RNF217: variants seen among roughly 807,000 people sequenced by gnomAD.
RNF217 encodes the protein ring finger protein 217.
In RNF217, 31 loss-of-function variants were observed where a neutral mutation model predicts 57.8. The ratio of observed to expected loss-of-function variants is 0.54; its 90% CI spans 0.40 to 0.72. RNF217 has a LOEUF of 0.72. Among genes scored for constraint, RNF217 ranks in the 30% least tolerant of loss-of-function variants. The pLI is 0.00. For synonymous variants in RNF217, 313 were observed against 294.0 expected, an observed-to-expected ratio of 1.06 and a Z score of -0.66; for missense variants, 696 against 708.3, an observed-to-expected ratio of 0.98 and a Z score of 0.20.
intron 3 of RNF217, among the ~76,000 whole-genome samples, chr6:125,073,972 A>G (rs1464820435): frequency 6.6e-6 from 1 of 152,178 alleles, no homozygotes; most frequent in Non-Finnish European, 1.5e-5. Context: ...TTAAACAGCT[A>G]GTGGAGCTAG....
Position 125,091,948 on chromosome 6 carries a change from A to T in RNF217, c.*9011A>T, listed in dbSNP as rs996530974. 3 of 152,128 alleles carry T rather than the reference A, an allele frequency of 2.0e-5. No individual in the cohort carries two copies. Among genetic ancestry groups the T allele is most frequent in the African/African-American group, 7.2e-5 (3 of 41,422 alleles). The allele number at this position is 152,128 out of a possible 1,614,324, so 9.4% of individuals were successfully genotyped here. On this transcript the variant is annotated 3_prime_UTR_variant, in exon 6 of 6. Transcript: ENST00000521654. ...AAATGCTAGGTTTGTTATATTCTTT[A>T]TGTATCATAATATATAATTCAACTT...
chr6:125,074,140 A>G (rs1314579297), intron 3 of RNF217, among the ~76,000 whole-genome samples: 1 of 152,186 alleles, frequency 6.6e-6, no homozygotes, highest in African/African-American at 2.4e-5. Context: ...AAGTCCTGCC[A>G]GCCAATTGAC....
At chr6:125,043,356 T>A (rs1318909461) in intron 1 of RNF217, among the ~76,000 whole-genome samples, 2 of 151,916 alleles carry the variant, frequency 1.3e-5, no homozygotes, top group Admixed American at 6.6e-5. Context: ...AGCTCTCACT[T>A]GAATCCTCAC....
intron 1 of RNF217, among the ~76,000 whole-genome samples, chr6:124,990,024 T>G (rs981988825): frequency 2.0e-5 from 3 of 152,178 alleles, no homozygotes; most frequent in Admixed American, 2.0e-4. Flanking sequence ...CATTTTCTCT[T>G]GAACCCATTT....
chr6:125,032,516 G>A (rs772075644), intron 1 of RNF217, among the ~76,000 whole-genome samples: 2 of 151,700 alleles, frequency 1.3e-5, no homozygotes, highest in African/African-American at 4.8e-5. Context: ...AGTAAAGAAA[G>A]CTAGGTGAAT....
At chr6:125,074,939 A>T (rs889922028) in intron 3 of RNF217, among the ~76,000 whole-genome samples, 5 of 152,170 alleles carry the variant, frequency 3.3e-5, no homozygotes, top group African/African-American at 1.2e-4. Context: ...AATGAATAGA[A>T]GCCTCCACTA....
chr6:125,048,219 C>T, intron 2 of RNF217: 2 of 1,356,384 alleles, frequency 1.5e-6, no homozygotes, highest in Non-Finnish European at 9.8e-7. Context: ...AGTATGGCAC[C>T]CTGTACTGAG....
At chr6:125,065,004 A>G (rs1241086769) in intron 3 of RNF217, among the ~76,000 whole-genome samples, 1 of 152,054 alleles carries the variant, frequency 6.6e-6, no homozygotes, top group African/African-American at 2.4e-5. Flanking sequence ...TATTAAAACT[A>G]TGCAATCACG....
intron 1 of RNF217, among the ~76,000 whole-genome samples, chr6:124,999,412 C>A (rs1784884485): frequency 1.3e-5 from 2 of 152,132 alleles, no homozygotes; most frequent in African/African-American, 2.4e-5. Context: ...CTTCTCTCAT[C>A]TTTCCCACTT....
intron 1 of RNF217, among the ~76,000 whole-genome samples, chr6:125,000,866 G>A (rs1220152825): frequency 6.6e-6 from 1 of 151,972 alleles, no homozygotes; most frequent in Non-Finnish European, 1.5e-5. Flanking sequence ...TAGAATTCAA[G>A]CATAGCATGC....
intron 1 of RNF217, among the ~76,000 whole-genome samples, chr6:125,016,469 G>T (rs1324527439): frequency 6.6e-6 from 1 of 152,228 alleles, no homozygotes; most frequent in Admixed American, 6.5e-5. Flanking sequence ...CATTATTTTA[G>T]TCCATTATTT....
At chr6:124,986,396 T>C (rs924138784) in intron 1 of RNF217, among the ~76,000 whole-genome samples, 2 of 152,372 alleles carry the variant, frequency 1.3e-5, no homozygotes, top group East Asian at 3.9e-4. Flanking sequence ...CATATTCAAG[T>C]ACTGATCTTA....
intron 1 of RNF217, among the ~76,000 whole-genome samples, chr6:125,035,306 C>G (rs961013955): frequency 6.6e-6 from 1 of 152,004 alleles, no homozygotes; most frequent in Non-Finnish European, 1.5e-5. Flanking sequence ...CCAGTTTTTG[C>G]CCATTCAGTA....
chr6:125,082,947 G>C lies in RNF217; in HGVS notation c.*10G>C, dbSNP rs766788131. On this transcript the variant is annotated 3_prime_UTR_variant, in exon 6 of 6. Transcript: ENST00000521654. ...AGGTATGCACTGGTAACATGCAGAT[G>C]ATTTCATCCAGCTAAGCTGGTTGGA... 9 of 1,583,788 alleles carry C rather than the reference G, an allele frequency of 5.7e-6. No individual in the cohort carries two copies. The South Asian group carries it at 1.0e-4, about 18-fold the overall frequency.
intron 1 of RNF217, among the ~76,000 whole-genome samples, chr6:125,029,355 G>T (rs1438063424): frequency 6.6e-6 from 1 of 151,750 alleles, no homozygotes; most frequent in Non-Finnish European, 1.5e-5. Context: ...TTAGTTCCTG[G>T]GGGATATAAA....
At position 125,002,833 on chromosome 6, in the gene RNF217, T is replaced by C. The variant is rs529037267; in HGVS notation, c.882+39407T>C. Among the ~76,000 whole-genome samples, 4 of 152,278 alleles carry C rather than the reference T, an allele frequency of 2.6e-5. No individual in the cohort carries two copies. The East Asian group carries it at 7.7e-4, about 29-fold the overall frequency. ...TCTATTTGGTTCTATTATAGCTAGA[T>C]GAAGGAGAGACTCTTGCAGACTTTA... On this transcript the variant is annotated intron_variant, in intron 1 of 5. Coordinates refer to ENST00000521654, the MANE Select transcript of RNF217 (RefSeq NM_001286398.3).
rs764178144 is a variant in RNF217, at chr6:125,058,035, A to T, written c.1210A>T (p.Lys404Ter). ...VNCKEYKKGD[K>*]LLRHWASEIE... is the part of the protein sequence containing the mutation. ...CTGCAAGGAGTACAAAAAAGGAGACAAATTGTTGCGTCACTGGGCCAGCGA... is the reference window on the plus strand; with the variant it reads ...CTGCAAGGAGTACAAAAAAGGAGACTAATTGTTGCGTCACTGGGCCAGCGA... The change falls in exon 3 of 6, where the codon AAA becomes TAA. Residue 404 changes from lysine (K) to a stop codon, truncating the protein, a stop_gained. Transcript: ENST00000521654. LOFTEE classifies it high-confidence loss of function. 6.2e-7 allele frequency: 1 copy of T among 1,613,682 alleles called. No individual in the cohort carries two copies. Among genetic ancestry groups the T allele is most frequent in the South Asian group, 1.1e-5 (1 of 91,036 alleles).
chr6:125,088,587 A>C lies in RNF217; in HGVS notation c.*5650A>C, dbSNP rs1406449124. 1 of 152,182 alleles carries C rather than the reference A, an allele frequency of 6.6e-6. No homozygotes were observed. 9.4% of individuals were successfully genotyped at this position (152,182 alleles called of 1,614,324 possible). A position where few individuals can be genotyped will look rare whatever the true frequency, so the allele number is the denominator to read the frequency against. The stretch of plus-strand genomic sequence containing the variant: ...CATATTGCCAGTTTTAAAAGAATGT[A>C]ATTATGCATGTTACAAACTATATAT... On this transcript the variant is annotated 3_prime_UTR_variant, in exon 6 of 6. Coordinates refer to ENST00000521654, the MANE Select transcript of RNF217 (RefSeq NM_001286398.3).
intron 1 of RNF217, among the ~76,000 whole-genome samples, chr6:124,967,001 A>G (rs778937628): frequency 6.6e-6 from 1 of 152,254 alleles, no homozygotes; most frequent in Non-Finnish European, 1.5e-5. Context: ...AGTAGCTGCC[A>G]TCCAGTTTCT....
Sources: allele counts gnomAD v4.1 joint callset (sites outside exome capture counted in the v4.1 genomes callset), GRCh38; gene constraint gnomAD v4.1.1; transcripts MANE v1.5; gene names NCBI Gene and HGNC (gene_info 2026-07-23, HGNC 2026-07-21).